TMEM131: variants seen among roughly 807,000 people sequenced by gnomAD.
The protein encoded by TMEM131 is transmembrane protein 131.
TMEM131 carries 66 observed loss-of-function variants against 211.6 expected under a neutral mutation model. The observed-to-expected ratio is 0.31, with a 90% CI of 0.26 to 0.38. TMEM131 has a LOEUF of 0.38. Ranked by LOEUF, TMEM131 falls within the 10% of genes least tolerant of loss-of-function variation. TMEM131 has a pLI of 1.00. For missense variants in TMEM131, 2,036 were observed against 2,299.3 expected (o/e 0.89, Z 2.34); for synonymous variants, 844 against 841.3 (o/e 1.00, Z -0.06).
rs1245856956 is a variant in TMEM131 at position 97,995,463 on chromosome 2, G to C, written c.187+13C>G. The C allele has an allele frequency of 1.4e-6, 2 of 1,383,872 alleles. No individual in the cohort carries two copies. Among genetic ancestry groups the C allele is most frequent in the South Asian group, 1.6e-5 (1 of 61,576 alleles). 85.7% of individuals were successfully genotyped at this position (1,383,872 alleles called of 1,614,324 possible). ...ACAGCCCCGCCGCAGGGACGCCGCCGGGGGACACCCACCTTCCTTCTCGGC... is the reference window on the plus strand; with the variant it reads ...ACAGCCCCGCCGCAGGGACGCCGCCCGGGGACACCCACCTTCCTTCTCGGC... On this transcript the variant is annotated intron_variant, in intron 1 of 40. Transcript: ENST00000186436.
At chr2:97,960,149 A>G (rs908070233) in intron 1 of TMEM131, among the ~76,000 whole-genome samples, 1 of 61,348 alleles carries the variant, frequency 1.6e-5, no homozygotes, top group Non-Finnish European at 3.8e-5. Flanking sequence ...TTCCCTTTGT[A>G]ATAGATAATT....
At chr2:97,917,503 G>C (rs1188106933) in intron 2 of TMEM131, among the ~76,000 whole-genome samples, 1 of 152,178 alleles carries the variant, frequency 6.6e-6, no homozygotes, top group Non-Finnish European at 1.5e-5. Flanking sequence ...ATCTGCATTA[G>C]TCTGTTCTCA....
intron 29 of TMEM131, among the ~76,000 whole-genome samples, chr2:97,793,766 G>A (rs1353225031): frequency 6.6e-6 from 1 of 151,436 alleles, no homozygotes; most frequent in Non-Finnish European, 1.5e-5. Context: ...AGGCCGAGGC[G>A]GGTGGATCAC....
intron 1 of TMEM131, among the ~76,000 whole-genome samples, chr2:97,958,197 C>G (rs1367649721): frequency 6.6e-6 from 1 of 152,174 alleles, no homozygotes; most frequent in African/African-American, 2.4e-5. Flanking sequence ...GAGAGGGGGG[C>G]AGAAGCTGAG....
chr2:97,985,421 A>G (rs1180835405), intron 1 of TMEM131, among the ~76,000 whole-genome samples: 2 of 152,198 alleles, frequency 1.3e-5, no homozygotes, highest in Admixed American at 1.3e-4. Context: ...AAAACCCTAT[A>G]AAGATGTCAA....
intron 3 of TMEM131, chr2:97,907,197 G>A (rs1387563644): frequency 6.6e-6 from 1 of 152,210 alleles, no homozygotes; most frequent in African/African-American, 2.4e-5. Flanking sequence ...TAAACATGCA[G>A]TGGTTTGGAG....
chr2:97,967,516 GAA>G (rs756834790), intron 1 of TMEM131, among the ~76,000 whole-genome samples: 2 of 141,756 alleles, frequency 1.4e-5, no homozygotes, highest in African/African-American at 5.2e-5. Flanking sequence ...AAAGGAAAGA[GAA>G]AAAAAAAAGA....
At chr2:97,985,292 TTGAA>T (rs1377131309) in intron 1 of TMEM131, among the ~76,000 whole-genome samples, 1 of 152,002 alleles carries the variant, frequency 6.6e-6, no homozygotes, top group African/African-American at 2.4e-5. Context: ...TAATATTAGA[TTGAA>T]TAAGTTGTTA....
chr2:97,864,512 T>G (rs533922457), intron 4 of TMEM131, among the ~76,000 whole-genome samples: 1 of 152,166 alleles, frequency 6.6e-6, no homozygotes, highest in Admixed American at 6.5e-5. Context: ...ATATCTACTA[T>G]GTACCCACAA....
chr2:97,941,287 C>G (rs563015543), intron 1 of TMEM131, among the ~76,000 whole-genome samples: 1 of 152,238 alleles, frequency 6.6e-6, no homozygotes, highest in East Asian at 1.9e-4. Flanking sequence ...AAAGCTGAAA[C>G]TGGATCCCTT....
chr2:97,890,694 T>C (rs1277239354), intron 3 of TMEM131, among the ~76,000 whole-genome samples: 1 of 152,208 alleles, frequency 6.6e-6, no homozygotes, highest in Non-Finnish European at 1.5e-5. Context: ...TCTCTCATGA[T>C]TTTCCACTGC....
Position 97,766,138 on chromosome 2 carries a change from C to A in TMEM131, c.4699G>T (p.Val1567Phe). 1 of 1,614,032 alleles carries A rather than the reference C, an allele frequency of 6.2e-7. No homozygotes were observed. Among genetic ancestry groups the A allele is most frequent in the Non-Finnish European group, 8.5e-7 (1 of 1,179,892 alleles). The stretch of plus-strand genomic sequence containing the variant: ...CAGCTGCCAGGTTTGTGAACTGGAA[C>A]GGAATCCCACTCCGGTGGAGGAGAG... ...KDSPPPEWDSVPVHKPGSSTD... is the reference protein window; with the variant it reads ...KDSPPPEWDSFPVHKPGSSTD... Residue 1567 changes from valine to phenylalanine, a missense_variant, in exon 35 of 41, where the codon GTT becomes TTT. Val to Phe is a conservative substitution (Grantham distance 50). Transcript: ENST00000186436.
intron 1 of TMEM131, among the ~76,000 whole-genome samples, chr2:97,960,592 T>A (rs1678772154): frequency 6.6e-6 from 1 of 152,118 alleles, no homozygotes; most frequent in Admixed American, 6.5e-5. Flanking sequence ...ACTGGTTAAT[T>A]CTAACAAATG....
At chr2:97,926,645 A>T (rs1677004282) in intron 2 of TMEM131, among the ~76,000 whole-genome samples, 1 of 152,128 alleles carries the variant, frequency 6.6e-6, no homozygotes, top group Non-Finnish European at 1.5e-5. Context: ...CTGAGATCTC[A>T]CCCAAGCTCC....
At chr2:97,975,658 A>AGAT (rs1191940615) in intron 1 of TMEM131, among the ~76,000 whole-genome samples, 1 of 152,172 alleles carries the variant, frequency 6.6e-6, no homozygotes, top group Non-Finnish European at 1.5e-5. Flanking sequence ...CTCCAAGCCT[A>AGAT]GATGGCTTCA....
At chr2:97,768,914 T>C (rs928837520) in intron 33 of TMEM131, among the ~76,000 whole-genome samples, 1 of 144,166 alleles carries the variant, frequency 6.9e-6, no homozygotes, top group African/African-American at 2.5e-5. Context: ...AAGTGATTCT[T>C]TTTAAAAAGG....
At chr2:97,782,161 C>G (rs78449025) in intron 31 of TMEM131, among the ~76,000 whole-genome samples, 3 of 152,180 alleles carry the variant, frequency 2.0e-5, no homozygotes, top group East Asian at 1.9e-4. Flanking sequence ...CAGAGGAGGC[C>G]GAGTGGACAG....
chr2:97,766,640 C>T, intron 33 of TMEM131, 38 bp from the exon 34 acceptor site: 1 of 1,608,786 alleles, frequency 6.2e-7, no homozygotes. Context: ...CAAATTTATT[C>T]CTCTGTTTTG....
At chr2:97,903,676 G>A (rs193195344) in intron 3 of TMEM131, among the ~76,000 whole-genome samples, 1 of 152,014 alleles carries the variant, frequency 6.6e-6, no homozygotes, top group Admixed American at 6.6e-5. Flanking sequence ...ACTCTAGCTG[G>A]GTTTGTTTGT....
Sources: allele counts gnomAD v4.1 joint callset (sites outside exome capture counted in the v4.1 genomes callset), GRCh38; gene constraint gnomAD v4.1.1; transcripts MANE v1.5; gene names NCBI Gene and HGNC (gene_info 2026-07-23, HGNC 2026-07-21).